Variants in LARP1 observed in about 807,000 individuals in gnomAD.
The protein encoded by LARP1 is la-related protein 1.
LARP1 carries 36 observed loss-of-function variants against 122.7 expected under a neutral mutation model. That is an observed-to-expected ratio of 0.29 (90% CI 0.22 to 0.39). LARP1 has a LOEUF of 0.39. Ranked by LOEUF, LARP1 falls within the 10% of genes least tolerant of loss-of-function variation. The pLI, the probability that LARP1 is intolerant of heterozygous loss-of-function variation, is 1.00. For missense variants in LARP1, 1,040 were observed against 1,403.6 expected, an observed-to-expected ratio of 0.74 and a Z score of 4.14; for synonymous variants, 539 against 528.7, an observed-to-expected ratio of 1.02 and a Z score of -0.27.
chr5:154,774,898 T>A (rs1582370722), intron 1 of LARP1, among the ~76,000 whole-genome samples: 1 of 152,236 alleles, frequency 6.6e-6, no homozygotes, highest in East Asian at 1.9e-4. Flanking sequence ...AGTGCCTGCA[T>A]TAGGATTTGT....
Position 154,756,105 on chromosome 5 carries a change from C to G in LARP1, c.348C>G (p.Phe116Leu), listed in dbSNP as rs760703223. The change falls in exon 1 of 19, where the codon TTC (phenylalanine) becomes TTG (leucine). Residue 116 changes from phenylalanine to leucine, a missense_variant. This residue lies in a region of LARP1 where 257 missense variants were observed against 273.3 expected (regional missense o/e 0.94). Coordinates refer to ENST00000518297, the MANE Select transcript of LARP1 (RefSeq NM_033551.3). The part of the protein sequence containing the change: ...AGAAGAGRRD[F>L]VEAPPPKVNP... ...CCGCGGGCGCGGGGCGCCGGGACTT[C>G]GTGGAAGCCCCCCCGCCCAAGGTGA... 1 of 1,210,844 alleles carries G rather than the reference C, an allele frequency of 8.3e-7. No homozygotes were observed. The allele number at this position is 1,210,844 out of a possible 1,614,324, so 75.0% of individuals were successfully genotyped here. A position where few individuals can be genotyped will look rare whatever the true frequency, so the allele number is the denominator to read the frequency against.
chr5:154,795,050 G>A, intron 7 of LARP1, 125 bp from the exon 8 acceptor site: 1 of 871,188 alleles, frequency 1.1e-6, no homozygotes, highest in Non-Finnish European at 1.9e-6. Context: ...TTGGTATATA[G>A]GATAAGGATG....
In LARP1 at chr5:154,811,529, G is replaced by A. The variant is rs781324150; in HGVS notation, c.2970G>A (p.Leu990=). 7 of 1,614,104 alleles carry A rather than the reference G, an allele frequency of 4.3e-6. No homozygotes were observed. In the African/African-American group the frequency reaches 8.0e-5, roughly 18 times the overall value. Residue 990 remains leucine, a synonymous_variant, in exon 18 of 19, where the codon CTG becomes CTA. Transcript: ENST00000518297. Reference sequence around the variant, plus strand: ...TCCCTACAGGCCAACTGTATGGGCTGGAGAAGTTCTGGGCCTTCTTGAAAT... The same window carrying A: ...TCCCTACAGGCCAACTGTATGGGCTAGAGAAGTTCTGGGCCTTCTTGAAAT... ...KDYEAGQLYG[L]EKFWAFLKYS...
At chr5:154,753,781 G>A (rs1333457104), upstream of LARP1, among the ~76,000 whole-genome samples, 2 of 152,204 alleles carry the variant, frequency 1.3e-5, no homozygotes, top group Admixed American at 1.3e-4. Flanking sequence ...GGCATTACCT[G>A]GCTATCCCTA....
chr5:154,786,423 C>G lies in LARP1; in HGVS notation c.437-3902C>G, dbSNP rs1275218814. On this transcript the variant is annotated intron_variant, in intron 1 of 18. Coordinates refer to ENST00000518297, the MANE Select transcript of LARP1 (RefSeq NM_033551.3). ...GGAACTAGAATTACCAGAATTAGTACTGGCTCCTGGCTATGGTCCTCTGGG... is the reference window on the plus strand; with the variant it reads ...GGAACTAGAATTACCAGAATTAGTAGTGGCTCCTGGCTATGGTCCTCTGGG... 1.1e-5 allele frequency: 5 copies of G among 455,616 alleles called. No individual in the cohort carries two copies. In the East Asian group the frequency reaches 2.8e-4, roughly 25 times the overall value. The allele number at this position is 455,616 out of a possible 1,614,324, so 28.2% of individuals were successfully genotyped here.
chr5:154,771,025 T>A (rs1755373645), intron 1 of LARP1, among the ~76,000 whole-genome samples: 1 of 149,626 alleles, frequency 6.7e-6, no homozygotes, highest in Non-Finnish European at 1.5e-5. Flanking sequence ...GGTGAGAGAG[T>A]CGCTTGAACG....
At chr5:154,799,559 C>T (rs776362645) in intron 8 of LARP1, 32 bp from the exon 9 acceptor site, 5 of 1,608,596 alleles carry the variant, frequency 3.1e-6, no homozygotes, top group Non-Finnish European at 4.3e-6. Context: ...AGATTTTCTT[C>T]TTAATCCCCT....
At chr5:154,685,977 T>G (rs1383584854) in intron 1 of LARP1, 2 of 471,994 alleles carry the variant, frequency 4.2e-6, no homozygotes, top group African/African-American at 4.1e-5. Context: ...TTTATAAACT[T>G]TCTTAACCCC....
rs199736933 is a variant in LARP1, at chr5:154,685,642, G to A, written c.-180+2605G>A. ...AGCTTTGGATAGGGGTGAACTAAAC[G>A]CTGCCTCTGCTAGTCTATACGATGC... is the stretch of plus-strand genomic sequence containing the variant. On this transcript the variant is annotated intron_variant, in intron 1 of 18. Transcript: ENST00000687700. 17 of 322,104 alleles carry A rather than the reference G, an allele frequency of 5.3e-5. No homozygotes were observed. In the East Asian group the frequency reaches 7.4e-4, roughly 14 times the overall value. 20.0% of individuals were successfully genotyped at this position (322,104 alleles called of 1,614,324 possible).
intron 1 of LARP1, chr5:154,729,610 G>A: frequency 2.4e-6 from 1 of 420,536 alleles, no homozygotes; most frequent in Non-Finnish European, 4.7e-6. Context: ...TGAAGCACCA[G>A]CCACTCCACC....
chr5:154,805,752 T>C, intron 14 of LARP1, 129 bp from the exon 15 acceptor site: 1 of 924,842 alleles, frequency 1.1e-6, no homozygotes, highest in Non-Finnish European at 1.7e-6. Context: ...GGTCCGTAAC[T>C]GGGCCTCCTT....
intron 1 of LARP1, among the ~76,000 whole-genome samples, chr5:154,697,239 T>C (rs1324161126): frequency 1.3e-5 from 2 of 151,450 alleles, no homozygotes; most frequent in East Asian, 3.9e-4. Flanking sequence ...AGCCATCTTA[T>C]TTATGAACCA....
chr5:154,748,666 C>G (rs1211924764), intron 1 of LARP1, among the ~76,000 whole-genome samples: 2 of 152,208 alleles, frequency 1.3e-5, no homozygotes, highest in Non-Finnish European at 2.9e-5. Context: ...AGCATATACT[C>G]TGCTATACAT....
intron 1 of LARP1, among the ~76,000 whole-genome samples, chr5:154,689,637 GAAAGA>G (rs1048358984): frequency 4.9e-5 from 7 of 142,380 alleles, no homozygotes; most frequent in African/African-American, 7.8e-5. Context: ...AAAAAAAAAA[GAAAGA>G]AAAGAAAAGA....
At chr5:154,783,791 G>C (rs1442951633) in intron 1 of LARP1, among the ~76,000 whole-genome samples, 2 of 152,120 alleles carry the variant, frequency 1.3e-5, no homozygotes, top group Non-Finnish European at 2.9e-5. Flanking sequence ...CGTGTAATTC[G>C]TGCATCTGCG....
intron 17 of LARP1, 66 bp downstream of exon 17, chr5:154,811,422 TG>T: frequency 6.2e-7 from 1 of 1,609,468 alleles, no homozygotes; most frequent in Non-Finnish European, 8.5e-7. Context: ...CAGTTGGACC[TG>T]GGTCTTTCTG....
chr5:154,755,854 C>G lies in LARP1; in HGVS notation c.97C>G (p.Pro33Ala). 1 of 1,006,398 alleles carries G rather than the reference C, an allele frequency of 9.9e-7. No individual in the cohort carries two copies. The highest frequency in any genetic ancestry group is 1.2e-6 in the Non-Finnish European group (1 of 842,260). 62.3% of individuals were successfully genotyped at this position (1,006,398 alleles called of 1,614,324 possible). The change falls in exon 1 of 19, where the codon CCC becomes GCC. Residue 33 changes from proline (P) to alanine (A), a missense_variant. Physicochemically the swap from Pro to Ala is conservative, Grantham distance 27. Transcript: ENST00000518297. ...GGTGAGGAAGAAGCCGCCGCCGGCG[C>G]CCGAGGGCAAGGGCGAGCCCGGGCC... ...GLVRKKPPPA[P>A]EGKGEPGPND...
chr5:154,763,303 C>T (rs1754629810), intron 1 of LARP1, among the ~76,000 whole-genome samples: 1 of 152,052 alleles, frequency 6.6e-6, no homozygotes, highest in African/African-American at 2.4e-5. Flanking sequence ...CTCAGGTGAT[C>T]TGCCCACTTC....
intron 1 of LARP1, among the ~76,000 whole-genome samples, chr5:154,688,913 G>A (rs1406502196): frequency 6.6e-6 from 1 of 152,170 alleles, no homozygotes; most frequent in Non-Finnish European, 1.5e-5. Flanking sequence ...GAATCTTTGT[G>A]AGAATGTATT....
Sources: gnomAD v4.1 joint callset for allele counts (sites outside exome capture counted in the v4.1 genomes callset) on GRCh38, gnomAD v4.1.1 for gene constraint, gnomAD v4.1.1 regional missense constraint, MANE v1.5 for transcripts, NCBI Gene and HGNC (gene_info 2026-07-23, HGNC 2026-07-21) for gene names.